Variants in COL17A1 observed in about 807,000 individuals in gnomAD.
COL17A1 encodes the protein collagen type XVII alpha 1 chain.
A neutral mutation model predicts 218.4 loss-of-function variants in COL17A1; 181 were observed. The observed-to-expected ratio is 0.83, with a 90% CI of 0.73 to 0.94. The LOEUF (loss-of-function observed/expected upper bound fraction) is 0.94, where lower values mean the gene tolerates loss of function less well. COL17A1 is among the 40% of genes least tolerant of loss of function. The probability of loss-of-function intolerance (pLI) is 0.00; values close to 1 mark genes in which losing one functional copy is unlikely to be tolerated. For missense variants in COL17A1, 1,924 were observed against 1,945.9 expected (o/e 0.99, Z 0.21); for synonymous variants, 721 against 731.0 (o/e 0.99, Z 0.22).
intron 31 of COL17A1, among the ~76,000 whole-genome samples, 175 bp from the exon 32 acceptor site, chr10:104,046,948 A>C (rs1162477426): frequency 6.6e-6 from 1 of 152,088 alleles, no homozygotes; most frequent in African/African-American, 2.4e-5. Context: ...CTGGATGGAG[A>C]GCAGTTCTTC....
intron 31 of COL17A1, 120 bp from the exon 32 acceptor site, chr10:104,046,893 A>G: frequency 1.1e-6 from 1 of 900,864 alleles, no homozygotes; most frequent in Admixed American, 2.0e-5. Flanking sequence ...GTACAGAAGG[A>G]CACGTCTCAT....
At chr10:104,036,292 C>T (rs1225202677) in intron 48 of COL17A1, among the ~76,000 whole-genome samples, 200 bp downstream of exon 48, 1 of 107,778 alleles carries the variant, frequency 9.3e-6, no homozygotes, top group African/African-American at 3.6e-5. Context: ...GCCTGAGACC[C>T]CCGTTTTGGC....
rs780545954 is a variant in COL17A1, at chr10:104,063,694, A to G, written c.838+53T>C. On this transcript the variant is annotated intron_variant, in intron 11 of 55. Coordinates refer to ENST00000648076, the MANE Select transcript of COL17A1 (RefSeq NM_000494.4). ...TTCATGCTCTTGGGTGAAGCATCCT[A>G]ACACTTCTATGCAAATAGCCTGGAA... 4.5e-5 allele frequency: 73 copies of G among 1,612,028 alleles called. No homozygotes were observed. In the Middle Eastern group the frequency reaches 6.6e-4, roughly 15 times the overall value.
chr10:104,043,376 A>G, intron 35 of COL17A1, 125 bp downstream of exon 35: 1 of 904,990 alleles, frequency 1.1e-6, no homozygotes, highest in Non-Finnish European at 1.8e-6. Flanking sequence ...TCTCAGGCCA[A>G]ACTCCTTATT....
chr10:104,076,324 T>C lies in COL17A1; in HGVS notation c.308A>G (p.His103Arg). 1.2e-6 allele frequency: 2 copies of C among 1,614,058 alleles called. No homozygotes were observed. Among genetic ancestry groups the C allele is most frequent in the Non-Finnish European group, 1.7e-6 (2 of 1,179,982 alleles). Reference protein sequence around the residue: ...SPGSTFERKTHVTRHAYEGSS... With the variant: ...SPGSTFERKTRVTRHAYEGSS... ...ACCTTCATACGCATGGCGGGTAACG[T>C]GAGTTTTCCTTTCAAAGGTTGAGCC... is the stretch of plus-strand genomic sequence containing the variant. Residue 103 changes from histidine to arginine, a missense_variant, in exon 5 of 56, where the codon CAC (histidine) becomes CGC (arginine). His to Arg is a conservative substitution (Grantham distance 29). Transcript: ENST00000648076.
intron 15 of COL17A1, among the ~76,000 whole-genome samples, chr10:104,059,150 T>C (rs1246067609): frequency 6.6e-6 from 1 of 152,222 alleles, no homozygotes; most frequent in Non-Finnish European, 1.5e-5. Context: ...ACTGATTTGA[T>C]TGGCATTCAT....
chr10:104,050,048 A>G, intron 28 of COL17A1, 41 bp downstream of exon 28: 1 of 1,613,936 alleles, frequency 6.2e-7, no homozygotes, highest in South Asian at 1.1e-5. Context: ...GATTTACAAA[A>G]GTCGTGGATA....
At chr10:104,072,104 G>T (rs374931648) in intron 7 of COL17A1, 25 bp from the exon 8 acceptor site, 16 of 1,614,064 alleles carry the variant, frequency 9.9e-6, no homozygotes, top group Non-Finnish European at 1.4e-5. Context: ...AGATAGAGAA[G>T]GGTGTGAATG....
chr10:104,054,188 A>G, intron 20 of COL17A1, 70 bp from the exon 21 acceptor site: 1 of 1,524,606 alleles, frequency 6.6e-7, no homozygotes. Context: ...AGCAGTCACT[A>G]GTGGGATTCA....
intron 3 of COL17A1, among the ~76,000 whole-genome samples, chr10:104,077,969 G>A (rs1412677375): frequency 6.6e-6 from 1 of 152,196 alleles, no homozygotes; most frequent in Non-Finnish European, 1.5e-5. Context: ...TGTTGCTGGT[G>A]TTCCACCTGG....
At chr10:104,052,801 C>T (rs1380641489) in intron 23 of COL17A1, among the ~76,000 whole-genome samples, 1 of 152,206 alleles carries the variant, frequency 6.6e-6, no homozygotes, top group Non-Finnish European at 1.5e-5. Flanking sequence ...ACCACTTTCC[C>T]GGTGGATTCC....
intron 13 of COL17A1, among the ~76,000 whole-genome samples, chr10:104,060,887 A>G (rs933550374): frequency 6.6e-6 from 1 of 152,202 alleles, no homozygotes; most frequent in Non-Finnish European, 1.5e-5. Flanking sequence ...CACTTAGAAC[A>G]CTGTCCATCT....
intron 45 of COL17A1, among the ~76,000 whole-genome samples, chr10:104,038,093 G>A (rs563702729): frequency 3.9e-5 from 6 of 152,296 alleles, no homozygotes; most frequent in East Asian, 3.9e-4. Context: ...GAGCACGTGC[G>A]CCAGCCTCCT....
intron 10 of COL17A1, 106 bp from the exon 11 acceptor site, chr10:104,063,924 T>C: frequency 1.3e-6 from 2 of 1,522,032 alleles, no homozygotes; most frequent in African/African-American, 2.8e-5. Flanking sequence ...ATTGGGTTTT[T>C]ATATTTTGGT....
chr10:104,046,710 G>A, intron 32 of COL17A1, 37 bp downstream of exon 32: 2 of 1,611,030 alleles, frequency 1.2e-6, no homozygotes, highest in Non-Finnish European at 1.7e-6. Flanking sequence ...CCAGGAGAAG[G>A]TGGGAGACAG....
intron 13 of COL17A1, 57 bp from the exon 14 acceptor site, chr10:104,060,337 G>A: frequency 6.2e-7 from 1 of 1,606,096 alleles, no homozygotes; most frequent in Non-Finnish European, 8.5e-7. Flanking sequence ...AAGGGAGAGG[G>A]GAGAAAAGAC....
chr10:104,037,810 C>T, intron 45 of COL17A1, 37 bp from the exon 46 acceptor site: 1 of 1,609,156 alleles, frequency 6.2e-7, no homozygotes. Context: ...CAAGCCTGTC[C>T]CAAGAGGACA....
intron 35 of COL17A1, 39 bp from the exon 36 acceptor site, chr10:104,042,494 A>G (rs747663264): frequency 1.2e-6 from 2 of 1,606,814 alleles, no homozygotes; most frequent in Non-Finnish European, 8.5e-7. Context: ...TAAATCATGC[A>G]TGTAGGGTCA....
At chr10:104,033,800 C>G in intron 52 of COL17A1, 145 bp downstream of exon 52, 1 of 1,286,330 alleles carries the variant, frequency 7.8e-7, no homozygotes, top group Non-Finnish European at 1.1e-6. Context: ...AGGCTGAGAG[C>G]TAGGCTGGGG....
Sources: allele counts gnomAD v4.1 joint callset (sites outside exome capture counted in the v4.1 genomes callset), GRCh38; gene constraint gnomAD v4.1.1; transcripts MANE v1.5; gene names NCBI Gene and HGNC (gene_info 2026-07-23, HGNC 2026-07-21).